Variants in PTK2 observed in about 807,000 individuals in gnomAD.
The protein encoded by PTK2 is protein tyrosine kinase 2.
In PTK2, 45 loss-of-function variants were observed where a neutral mutation model predicts 150.1. The observed-to-expected ratio is 0.30, with a 90% CI of 0.24 to 0.38. The LOEUF is 0.38. PTK2 is among the 10% of genes least tolerant of loss of function. PTK2 has a pLI of 1.00. For synonymous variants in PTK2, 432 were observed against 449.2 expected (o/e 0.96, Z 0.48); for missense variants, 919 against 1,307.3 (o/e 0.70, Z 4.58).
intron 1 of PTK2, among the ~76,000 whole-genome samples, chr8:140,979,166 C>G (rs2100190457): frequency 6.6e-6 from 1 of 150,408 alleles, no homozygotes; most frequent in Non-Finnish European, 1.5e-5. Flanking sequence ...TGTTAAATGA[C>G]AAGTTAATGG....
chr8:140,722,913 G>C (rs1054550056), intron 22 of PTK2, among the ~76,000 whole-genome samples: 1 of 152,156 alleles, frequency 6.6e-6, no homozygotes, highest in East Asian at 1.9e-4. Context: ...AAGGCAACGG[G>C]AACTCAGTTT....
At chr8:140,677,761 A>G (rs1381980026) in intron 27 of PTK2, among the ~76,000 whole-genome samples, 3 of 152,266 alleles carry the variant, frequency 2.0e-5, no homozygotes, top group South Asian at 2.1e-4. Context: ...GAATGATACC[A>G]TATCAACTTA....
chr8:140,668,283 C>T, exon 30 of PTK2: 3 of 1,614,140 alleles, frequency 1.9e-6, no homozygotes, highest in Non-Finnish European at 2.5e-6. Flanking sequence ...ACCATAGGGA[C>T]ATACTCCTCT....
chr8:140,891,420 A>C (rs758326928), intron 2 of PTK2, among the ~76,000 whole-genome samples: 1 of 152,338 alleles, frequency 6.6e-6, no homozygotes, highest in East Asian at 1.9e-4. Context: ...AGAAACATGA[A>C]AATCCAGATT....
At chr8:140,907,179 G>GTGC (rs2100161239) in intron 2 of PTK2, among the ~76,000 whole-genome samples, 1 of 152,144 alleles carries the variant, frequency 6.6e-6, no homozygotes, top group Non-Finnish European at 1.5e-5. Context: ...GCTTTATCTT[G>GTGC]TGCTGGTTCA....
At chr8:140,963,543 ACCT>A (rs1415348816) in intron 1 of PTK2, among the ~76,000 whole-genome samples, 4 of 152,066 alleles carry the variant, frequency 2.6e-5, no homozygotes, top group Admixed American at 2.6e-4. Flanking sequence ...ACAAAACAAA[ACCT>A]CCTAACTGAT....
chr8:140,952,303 T>C (rs1048057172), intron 1 of PTK2, among the ~76,000 whole-genome samples: 8 of 152,216 alleles, frequency 5.3e-5, no homozygotes, highest in Admixed American at 1.3e-4. Context: ...AGGTACAATA[T>C]GGACGGGGGA....
intron 4 of PTK2, among the ~76,000 whole-genome samples, chr8:140,876,404 G>C (rs1046526468): frequency 1.3e-5 from 2 of 152,058 alleles, no homozygotes; most frequent in African/African-American, 2.4e-5. Flanking sequence ...TATTTTCTTG[G>C]CATCTATTAT....
At chr8:140,940,970 CA>C (rs2100175541) in intron 1 of PTK2, among the ~76,000 whole-genome samples, 1 of 151,428 alleles carries the variant, frequency 6.6e-6, no homozygotes. Flanking sequence ...AACTCCATCT[CA>C]AAAAAAATTT....
intron 5 of PTK2, among the ~76,000 whole-genome samples, chr8:140,857,088 T>G (rs1813136927): frequency 6.6e-6 from 1 of 152,214 alleles, no homozygotes; most frequent in Non-Finnish European, 1.5e-5. Context: ...TCCCCACAGT[T>G]AAAGTTAAGC....
intron 1 of PTK2, among the ~76,000 whole-genome samples, chr8:140,994,120 C>A (rs1374348793): frequency 6.6e-6 from 1 of 152,112 alleles, no homozygotes; most frequent in Non-Finnish European, 1.5e-5. Flanking sequence ...GGTAGGATTT[C>A]AATTAAATAA....
chr8:140,692,279 T>C (rs7846221), intron 26 of PTK2, among the ~76,000 whole-genome samples: 5,237 of 152,260 alleles, frequency 0.034, 284 homozygotes, highest in African/African-American at 0.12. Context: ...TGAGTGCCTA[T>C]TGGGAACTGA....
At chr8:140,712,317 A>C (rs964670445) in intron 23 of PTK2, among the ~76,000 whole-genome samples, 1 of 152,166 alleles carries the variant, frequency 6.6e-6, no homozygotes, top group African/African-American at 2.4e-5. Context: ...GCAGGTTCTC[A>C]TATCTGTTTC....
At chr8:140,828,856 C>T (rs537855580) in intron 8 of PTK2, among the ~76,000 whole-genome samples, 61 of 152,294 alleles carry the variant, frequency 4.0e-4, no homozygotes, top group Non-Finnish European at 7.6e-4. Flanking sequence ...CACCTAATAA[C>T]TCTCTCGAAG....
At chr8:140,970,987 A>C (rs2100187060) in intron 1 of PTK2, among the ~76,000 whole-genome samples, 1 of 152,160 alleles carries the variant, frequency 6.6e-6, no homozygotes, top group East Asian at 1.9e-4. Context: ...AACAACATCA[A>C]TGTCAGTCAA....
chr8:140,805,376 T>C (rs2100097610), intron 10 of PTK2, among the ~76,000 whole-genome samples: 1 of 151,970 alleles, frequency 6.6e-6, no homozygotes, highest in Non-Finnish European at 1.5e-5. Context: ...CTGGCCAACA[T>C]GGTGAAACCC....
chr8:140,945,266 A>G (rs2100177302), intron 1 of PTK2, among the ~76,000 whole-genome samples: 1 of 152,176 alleles, frequency 6.6e-6, no homozygotes, highest in African/African-American at 2.4e-5. Context: ...GATATATCCT[A>G]TGTTCAGGTT....
intron 1 of PTK2, among the ~76,000 whole-genome samples, chr8:140,987,310 A>G (rs935880060): frequency 6.6e-6 from 1 of 152,094 alleles, no homozygotes; most frequent in Non-Finnish European, 1.5e-5. Context: ...CCTCCTGAGT[A>G]GCTGGAATTA....
At chr8:140,868,682 C>T (rs1173398191) in intron 4 of PTK2, among the ~76,000 whole-genome samples, 2 of 152,080 alleles carry the variant, frequency 1.3e-5, no homozygotes, top group Non-Finnish European at 2.9e-5. Context: ...TTGCCAAAAA[C>T]GCAAAACCTT....
Sources: allele counts gnomAD v4.1 joint callset (sites outside exome capture counted in the v4.1 genomes callset), GRCh38; gene constraint gnomAD v4.1.1; transcripts MANE v1.5; gene names NCBI Gene and HGNC (gene_info 2026-07-23, HGNC 2026-07-21).